Variants in MXI1 observed in about 807,000 individuals in gnomAD.
MXI1 encodes MAX interactor 1, dimerization protein, also known as max-interacting protein 1.
Under a neutral mutation model 36.9 loss-of-function variants are expected in MXI1, and 18 were observed. That is an observed-to-expected ratio of 0.49 (90% CI 0.34 to 0.72). The LOEUF is 0.72. Among genes scored for constraint, MXI1 ranks in the 30% least tolerant of loss-of-function variants. The probability of loss-of-function intolerance (pLI) is 0.01; values close to 1 mark genes in which losing one functional copy is unlikely to be tolerated. For missense variants in MXI1, 304 were observed against 379.1 expected, an observed-to-expected ratio of 0.80 and a Z score of 1.64; for synonymous variants, 160 against 146.7, an observed-to-expected ratio of 1.09 and a Z score of -0.65.
chr10:110,284,444 C>A (rs983245772), intron 5 of MXI1, among the ~76,000 whole-genome samples: 30 of 152,158 alleles, frequency 2.0e-4, no homozygotes, highest in African/African-American at 7.2e-4. Context: ...TTTAAGGCAA[C>A]CCTGATTAAT....
chr10:110,267,706 A>G (rs1422853679), intron 3 of MXI1, among the ~76,000 whole-genome samples: 1 of 152,222 alleles, frequency 6.6e-6, no homozygotes, highest in Non-Finnish European at 1.5e-5. Context: ...TTTATAATGG[A>G]AAAGAATTTT....
chr10:110,266,847 T>C (rs1027999132), intron 3 of MXI1, among the ~76,000 whole-genome samples: 1 of 152,218 alleles, frequency 6.6e-6, no homozygotes, highest in African/African-American at 2.4e-5. Flanking sequence ...TGATTATTGA[T>C]TTTTAAAAAT....
At chr10:110,221,861 G>A (rs1854817807) in intron 1 of MXI1, among the ~76,000 whole-genome samples, 1 of 152,146 alleles carries the variant, frequency 6.6e-6, no homozygotes, top group East Asian at 1.9e-4. Flanking sequence ...CAGCACCTGA[G>A]TCGCTTGGTG....
chr10:110,226,347 G>A (rs1173522335), intron 1 of MXI1: 13 of 1,422,962 alleles, frequency 9.1e-6, no homozygotes, highest in Non-Finnish European at 2.8e-6. Flanking sequence ...GTGCGGTGCG[G>A]CCGGTAAGGG....
At chr10:110,273,128 A>AC in intron 3 of MXI1, among the ~76,000 whole-genome samples, 1 of 147,954 alleles carries the variant, frequency 6.8e-6, no homozygotes, top group Middle Eastern at 3.6e-3. Flanking sequence ...GCTCACTGCA[A>AC]CCTCCGCCTC....
At chr10:110,246,155 AT>A (rs1027542445) in intron 3 of MXI1, among the ~76,000 whole-genome samples, 17 of 136,682 alleles carry the variant, frequency 1.2e-4, no homozygotes, top group Middle Eastern at 4.8e-3. Flanking sequence ...GATGCCCTCC[AT>A]CTCTACCAAA....
At chr10:110,255,437 C>G (rs1856251891) in intron 3 of MXI1, among the ~76,000 whole-genome samples, 1 of 152,116 alleles carries the variant, frequency 6.6e-6, no homozygotes, top group Non-Finnish European at 1.5e-5. Flanking sequence ...GCCCATTGGA[C>G]CAAGGTGTGA....
intron 1 of MXI1, among the ~76,000 whole-genome samples, chr10:110,216,401 G>C (rs1016672110): frequency 3.9e-5 from 6 of 152,164 alleles, no homozygotes; most frequent in Admixed American, 2.0e-4. Flanking sequence ...AGGTCTTGGA[G>C]GTAGAGTCCT....
At chr10:110,243,093 CTGAT>C (rs1855732593) in intron 2 of MXI1, among the ~76,000 whole-genome samples, 1 of 151,754 alleles carries the variant, frequency 6.6e-6, no homozygotes, top group Non-Finnish European at 1.5e-5. Flanking sequence ...TCTAACTTGA[CTGAT>C]TAACATTTAA....
intron 1 of MXI1, chr10:110,226,376 G>T: frequency 7.5e-7 from 1 of 1,333,858 alleles, no homozygotes. Flanking sequence ...CGTGTGAGGT[G>T]CGCGCATGAG....
At chr10:110,280,404 T>G (rs1357090769) in intron 5 of MXI1, among the ~76,000 whole-genome samples, 1 of 151,958 alleles carries the variant, frequency 6.6e-6, no homozygotes, top group Admixed American at 6.6e-5. Context: ...AATGATGTTG[T>G]GCCCGGTGGC....
chr10:110,272,568 AAG>A (rs1236046992), intron 3 of MXI1, among the ~76,000 whole-genome samples: 2 of 152,068 alleles, frequency 1.3e-5, no homozygotes, highest in Admixed American at 6.5e-5. Flanking sequence ...ATTTTATTGA[AAG>A]AAAGTGGTTT....
At position 110,286,705 on chromosome 10, in the gene MXI1, A is replaced by G. The variant is rs1196263860; in HGVS notation, c.*1718A>G. On this transcript the variant is annotated 3_prime_UTR_variant, in exon 6 of 6. Transcript: ENST00000332674. ...CTTTAACAGCATTCACTGCTTCTAT[A>G]TATAGTGTACCATCTTGGTCATACA... 6.6e-6 allele frequency: 1 copy of G among 152,564 alleles called. No homozygotes were observed. Among genetic ancestry groups the G allele is most frequent in the Non-Finnish European group, 1.5e-5 (1 of 68,048 alleles). 9.5% of individuals were successfully genotyped at this position (152,564 alleles called of 1,614,324 possible).
At chr10:110,271,801 A>G (rs567514907) in intron 3 of MXI1, among the ~76,000 whole-genome samples, 2 of 152,352 alleles carry the variant, frequency 1.3e-5, no homozygotes, top group South Asian at 2.1e-4. Flanking sequence ...TTTACTGATG[A>G]TAATTGTTAT....
At chr10:110,262,512 G>T (rs897623351) in intron 3 of MXI1, among the ~76,000 whole-genome samples, 1 of 152,112 alleles carries the variant, frequency 6.6e-6, no homozygotes, top group Non-Finnish European at 1.5e-5. Context: ...GGGGAAAGGA[G>T]TGAGATTCAA....
intron 1 of MXI1, among the ~76,000 whole-genome samples, chr10:110,224,864 T>G (rs369303299): frequency 1.5e-3 from 232 of 152,200 alleles, no homozygotes; most frequent in African/African-American, 5.4e-3. Flanking sequence ...GCAAAGCTGG[T>G]CTCGAACTCC....
At chr10:110,258,558 T>C (rs1324096449) in intron 3 of MXI1, among the ~76,000 whole-genome samples, 1 of 152,168 alleles carries the variant, frequency 6.6e-6, no homozygotes, top group African/African-American at 2.4e-5. Flanking sequence ...GTATTTCTTT[T>C]TGTATGCAAG....
intron 1 of MXI1, among the ~76,000 whole-genome samples, chr10:110,215,049 T>G (rs867733369): frequency 7.9e-6 from 1 of 126,808 alleles, no homozygotes; most frequent in Admixed American, 8.1e-5. Context: ...TTTTGTTTTT[T>G]TTTTTTTTTT....
chr10:110,226,682 G>GGCGC (rs1315652007), intron 1 of MXI1, among the ~76,000 whole-genome samples: 1 of 25,296 alleles, frequency 4.0e-5, no homozygotes, highest in Admixed American at 3.2e-4. Flanking sequence ...TGAGGGGAGG[G>GGCGC]GCGAGTGAAG....
Sources: allele counts gnomAD v4.1 joint callset (sites outside exome capture counted in the v4.1 genomes callset), GRCh38; gene constraint gnomAD v4.1.1; transcripts MANE v1.5; gene names NCBI Gene and HGNC (gene_info 2026-07-23, HGNC 2026-07-21).